The following GSDMC variants were observed in gnomAD, a reference collection of about 807,000 sequenced individuals.
The protein encoded by GSDMC is gasdermin-C.
In GSDMC, 59 loss-of-function variants were observed where a neutral mutation model predicts 58.0. That is an observed-to-expected ratio of 1.02 (90% CI 0.82 to 1.26). The LOEUF is 1.26. Among genes scored for constraint, GSDMC ranks in the 50% most tolerant of loss-of-function variants. The probability of loss-of-function intolerance (pLI) is 0.00; values close to 1 mark genes in which losing one functional copy is unlikely to be tolerated. For missense variants in GSDMC, 659 were observed against 598.5 expected (o/e 1.10, Z -1.06); for synonymous variants, 241 against 220.2 (o/e 1.09, Z -0.83).
intron 4 of GSDMC, among the ~76,000 whole-genome samples, chr8:129,764,251 T>C (rs1396721785): frequency 6.6e-6 from 1 of 152,180 alleles, no homozygotes; most frequent in Non-Finnish European, 1.5e-5. Context: ...CAGGGCATGT[T>C]GAGTAGATGT....
At chr8:129,784,988 G>A (rs957065700) in intron 1 of GSDMC, among the ~76,000 whole-genome samples, 5 of 152,178 alleles carry the variant, frequency 3.3e-5, no homozygotes, top group Non-Finnish European at 7.3e-5. Flanking sequence ...TGAGGCGGGT[G>A]GATCAACTGA....
At chr8:129,782,544 A>T (rs1054918658) in intron 1 of GSDMC, among the ~76,000 whole-genome samples, 1 of 152,138 alleles carries the variant, frequency 6.6e-6, no homozygotes, top group Non-Finnish European at 1.5e-5. Context: ...CTGATATTGC[A>T]GGAATTCAAA....
chr8:129,716,604 T>G, the GSDMC span, among the ~76,000 whole-genome samples: 1 of 152,214 alleles, frequency 6.6e-6, no homozygotes, highest in Non-Finnish European at 1.5e-5. Flanking sequence ...TTAAATACCC[T>G]TTATTTCTTT....
the GSDMC span, among the ~76,000 whole-genome samples, chr8:129,706,873 A>G: frequency 1.3e-5 from 2 of 152,240 alleles, no homozygotes; most frequent in Non-Finnish European, 2.9e-5. Context: ...TCAGCTGTCA[A>G]TAGGGCACTT....
chr8:129,754,742 G>A (rs2130374760), intron 6 of GSDMC, among the ~76,000 whole-genome samples: 1 of 152,246 alleles, frequency 6.6e-6, no homozygotes, highest in East Asian at 1.9e-4. Flanking sequence ...AATTCTATCA[G>A]GCACATTTAA....
At chr8:129,771,016 T>C (rs2034029369) in intron 3 of GSDMC, among the ~76,000 whole-genome samples, 1 of 149,976 alleles carries the variant, frequency 6.7e-6, no homozygotes, top group African/African-American at 2.4e-5. Flanking sequence ...GACACATTTT[T>C]TTATATATAT....
chr8:129,760,205 T>G (rs1343928826), intron 6 of GSDMC, among the ~76,000 whole-genome samples: 1 of 152,032 alleles, frequency 6.6e-6, no homozygotes, highest in African/African-American at 2.4e-5. Context: ...TACCTGAGAC[T>G]GGGAAGGGTG....
At chr8:129,768,338 G>T (rs1288063197) in intron 3 of GSDMC, among the ~76,000 whole-genome samples, 3 of 152,288 alleles carry the variant, frequency 2.0e-5, no homozygotes, top group African/African-American at 7.2e-5. Flanking sequence ...GAGGTATTAG[G>T]AAAATGTTAT....
At chr8:129,756,588 G>A (rs774716686) in intron 6 of GSDMC, among the ~76,000 whole-genome samples, 2 of 152,076 alleles carry the variant, frequency 1.3e-5, no homozygotes, top group Non-Finnish European at 1.5e-5. Context: ...TCATCTAAAG[G>A]CTGCAGAATA....
the GSDMC span, chr8:129,728,825 G>A: frequency 1.7e-6 from 1 of 579,382 alleles, no homozygotes; most frequent in Non-Finnish European, 3.3e-6. Context: ...GACGGACCCT[G>A]AGCTGAGGTA....
chr8:129,749,263 G>A (rs886545413), intron 13 of GSDMC, among the ~76,000 whole-genome samples, 189 bp downstream of exon 13: 8 of 152,126 alleles, frequency 5.3e-5, no homozygotes, highest in Non-Finnish European at 7.3e-5. Context: ...CCTCCTGAGG[G>A]AGGCTTATAC....
chr8:129,709,586 TAGATGATAGATA>T, the GSDMC span, among the ~76,000 whole-genome samples: 22 of 141,232 alleles, frequency 1.6e-4, no homozygotes, highest in Non-Finnish European at 2.6e-4. Flanking sequence ...GATAGATAGA[TAGATGATAGATA>T]GATAGATAGA....
At chr8:129,775,000 G>A (rs2034177370) in intron 3 of GSDMC, among the ~76,000 whole-genome samples, 1 of 152,288 alleles carries the variant, frequency 6.6e-6, no homozygotes, top group African/African-American at 2.4e-5. Context: ...ATGGAAAACA[G>A]TATGTTGGTT....
the GSDMC span, among the ~76,000 whole-genome samples, chr8:129,705,932 T>G: frequency 6.6e-6 from 1 of 152,198 alleles, no homozygotes; most frequent in African/African-American, 2.4e-5. Context: ...TTGGTTCTAC[T>G]TGGTTGAAAA....
At chr8:129,735,619 A>C in the GSDMC span, among the ~76,000 whole-genome samples, 1 of 152,222 alleles carries the variant, frequency 6.6e-6, no homozygotes, top group Non-Finnish European at 1.5e-5. Context: ...GAGAAAAAAA[A>C]CACAATGTAC....
chr8:129,754,342 AAAC>A (rs1228204724), intron 6 of GSDMC, among the ~76,000 whole-genome samples: 8 of 152,222 alleles, frequency 5.3e-5, no homozygotes, highest in Non-Finnish European at 7.3e-5. Flanking sequence ...TAAGGGGAAA[AAAC>A]AAGAGTCTCT....
chr8:129,776,006 T>C, intron 3 of GSDMC, 96 bp downstream of exon 3: 1 of 948,436 alleles, frequency 1.1e-6, no homozygotes, highest in South Asian at 1.7e-5. Flanking sequence ...TTGATTTTCA[T>C]CCCTACAACA....
chr8:129,767,538 C>A (rs57882220), intron 3 of GSDMC, among the ~76,000 whole-genome samples: 29,481 of 152,176 alleles, frequency 0.19, 2,958 homozygotes, highest in African/African-American at 0.22. Context: ...CAGAGCTACA[C>A]ATGTGGGCTC....
At chr8:129,762,093 G>T (rs2033684080) in intron 5 of GSDMC, among the ~76,000 whole-genome samples, 1 of 152,198 alleles carries the variant, frequency 6.6e-6, no homozygotes, top group African/African-American at 2.4e-5. Context: ...CCCACATGGA[G>T]TCTAAACCCA....
Sources: gnomAD v4.1 joint callset for allele counts (sites outside exome capture counted in the v4.1 genomes callset) on GRCh38, gnomAD v4.1.1 for gene constraint, MANE v1.5 for transcripts, NCBI Gene and HGNC (gene_info 2026-07-23, HGNC 2026-07-21) for gene names.